CNTNAP5: variants seen among roughly 807,000 people sequenced by gnomAD.
The protein encoded by CNTNAP5 is contactin associated protein family member 5.
A neutral mutation model predicts 150.2 loss-of-function variants in CNTNAP5; 72 were observed. The observed-to-expected ratio is 0.48, with a 90% CI of 0.40 to 0.58. The LOEUF (loss-of-function observed/expected upper bound fraction) is 0.58. Among genes scored for constraint, CNTNAP5 ranks in the 20% least tolerant of loss-of-function variants. The probability of loss-of-function intolerance (pLI) is 0.00; values close to 1 mark genes in which losing one functional copy is unlikely to be tolerated. For missense variants in CNTNAP5, 1,636 were observed against 1,626.2 expected, an observed-to-expected ratio of 1.01 and a Z score of -0.10; for synonymous variants, 672 against 619.8, an observed-to-expected ratio of 1.08 and a Z score of -1.25.
At chr2:124,710,292 G>A (rs1450100082) in intron 13 of CNTNAP5, among the ~76,000 whole-genome samples, 1 of 152,114 alleles carries the variant, frequency 6.6e-6, no homozygotes, top group South Asian at 2.1e-4. Context: ...AAGATTAAAA[G>A]CACTGTATGG....
chr2:124,869,621 G>A lies in CNTNAP5; in HGVS notation c.3349-54G>A, dbSNP rs148793398. Reference sequence around the variant, plus strand: ...CTATTTCCAGATGGGATCGTTTTATGCTTCTTACCTGCAGACCTCTGCTGA... The same window carrying A: ...CTATTTCCAGATGGGATCGTTTTATACTTCTTACCTGCAGACCTCTGCTGA... On this transcript the variant is annotated intron_variant, in intron 20 of 23. Coordinates refer to ENST00000682447, the MANE Select transcript of CNTNAP5 (RefSeq NM_001367498.1). 1.3e-5 allele frequency: 15 copies of A among 1,175,632 alleles called. No individual in the cohort carries two copies. In the Middle Eastern group the frequency reaches 7.6e-4, roughly 60 times the overall value. 72.8% of individuals were successfully genotyped at this position (1,175,632 alleles called of 1,614,324 possible). A position where few individuals can be genotyped will look rare whatever the true frequency, so the allele number is the denominator to read the frequency against.
At chr2:124,804,650 C>T (rs898656328) in intron 19 of CNTNAP5, among the ~76,000 whole-genome samples, 7 of 152,114 alleles carry the variant, frequency 4.6e-5, no homozygotes, top group African/African-American at 1.2e-4. Flanking sequence ...ACTGAGAAGG[C>T]GGCCATCCAC....
intron 13 of CNTNAP5, among the ~76,000 whole-genome samples, chr2:124,728,169 A>G (rs941564851): frequency 6.6e-6 from 1 of 151,838 alleles, no homozygotes; most frequent in Non-Finnish European, 1.5e-5. Context: ...AATTCTCTTG[A>G]TGTGCTTTTG....
At chr2:124,418,667 G>T (rs1368279894) in intron 4 of CNTNAP5, among the ~76,000 whole-genome samples, 5 of 152,162 alleles carry the variant, frequency 3.3e-5, no homozygotes, top group Non-Finnish European at 7.3e-5. Context: ...GTTTAGAACA[G>T]ATGCATCAAC....
At chr2:124,637,941 C>A (rs1678005780) in intron 12 of CNTNAP5, among the ~76,000 whole-genome samples, 3 of 152,054 alleles carry the variant, frequency 2.0e-5, no homozygotes, top group African/African-American at 7.2e-5. Flanking sequence ...AGACTCAGCT[C>A]TTTTCCTAAA....
At chr2:124,510,325 C>CTATATATCTA (rs1694543542) in intron 8 of CNTNAP5, among the ~76,000 whole-genome samples, 6 of 8,300 alleles carry the variant, frequency 7.2e-4, no homozygotes, top group South Asian at 4.9e-3. Context: ...ATATATCTAT[C>CTATATATCTA]TATATATATA....
intron 11 of CNTNAP5, among the ~76,000 whole-genome samples, chr2:124,585,186 C>T (rs554183915): frequency 1.7e-4 from 26 of 152,190 alleles, no homozygotes; most frequent in Non-Finnish European, 1.8e-4. Flanking sequence ...GGGGCTCAAT[C>T]AGCTTCTATG....
At chr2:124,615,651 C>T (rs532624437) in intron 12 of CNTNAP5, among the ~76,000 whole-genome samples, 1 of 152,264 alleles carries the variant, frequency 6.6e-6, no homozygotes, top group Non-Finnish European at 1.5e-5. Context: ...TTTGGCCTCT[C>T]CCATAAATCA....
chr2:124,495,137 A>G (rs1694115489), intron 7 of CNTNAP5, among the ~76,000 whole-genome samples: 1 of 152,166 alleles, frequency 6.6e-6, no homozygotes, highest in Non-Finnish European at 1.5e-5. Flanking sequence ...CTTGCTTGCC[A>G]TAAACATCGC....
chr2:124,559,290 T>C (rs1338421593), intron 10 of CNTNAP5, among the ~76,000 whole-genome samples: 1 of 152,190 alleles, frequency 6.6e-6, no homozygotes, highest in Non-Finnish European at 1.5e-5. Flanking sequence ...CATTCCTATC[T>C]CTTTTCTTTC....
intron 10 of CNTNAP5, among the ~76,000 whole-genome samples, chr2:124,542,519 T>G (rs2104907728): frequency 6.6e-6 from 1 of 152,078 alleles, no homozygotes; most frequent in South Asian, 2.1e-4. Flanking sequence ...GCCAGCTGCC[T>G]TCCAGCCTCC....
At chr2:124,403,666 T>C (rs1394692773) in intron 3 of CNTNAP5, among the ~76,000 whole-genome samples, 1 of 152,152 alleles carries the variant, frequency 6.6e-6, no homozygotes, top group Admixed American at 6.5e-5. Context: ...ACAATCCAGA[T>C]TCAAAGAGGA....
intron 3 of CNTNAP5, among the ~76,000 whole-genome samples, chr2:124,388,073 C>G (rs897270835): frequency 6.6e-6 from 1 of 152,182 alleles, no homozygotes; most frequent in African/African-American, 2.4e-5. Context: ...CACTTTATAA[C>G]AGTGTGTCTA....
rs1002835848 is a variant in CNTNAP5 at position 124,918,904 on chromosome 2, C to G, written c.*4616C>G. ...TAGGAGGATAACTGAGTGCTATTTT[C>G]TGTCTCATGCAGTTTGAACATGTTT... On this transcript the variant is annotated 3_prime_UTR_variant, in exon 24 of 24. Coordinates refer to ENST00000682447, the MANE Select transcript of CNTNAP5 (RefSeq NM_001367498.1). 1.3e-5 allele frequency among the ~76,000 whole-genome samples: 2 copies of G among 152,130 alleles called. No homozygotes were observed. Among genetic ancestry groups the G allele is most frequent in the Non-Finnish European group, 2.9e-5 (2 of 67,996 alleles).
intron 19 of CNTNAP5, among the ~76,000 whole-genome samples, chr2:124,814,753 A>T (rs1057322113): frequency 9.9e-5 from 15 of 152,216 alleles, no homozygotes; most frequent in African/African-American, 1.7e-4. Flanking sequence ...AGTAAAACTT[A>T]AAAAAGTTGC....
In CNTNAP5 at chr2:124,674,562, C is replaced by CCTTT. The variant is rs879598093; in HGVS notation, c.2077+26617_2077+26620dup. Among the ~76,000 whole-genome samples the CCTTT allele has an allele frequency of 2.7e-5, 3 of 110,306 alleles. No homozygotes were observed. In the Admixed American group the frequency reaches 3.2e-4, roughly 12 times the overall value. 72.4% of individuals were successfully genotyped at this position (110,306 alleles called of 152,430 possible). ...TTCTTTCTTTCTTTCTTCCTTTCTT[C>CCTTT]CTTTCTTTCTTTCTTTTCATCTCCT... On this transcript the variant is annotated intron_variant, in intron 13 of 23. Coordinates refer to ENST00000682447, the MANE Select transcript of CNTNAP5 (RefSeq NM_001367498.1).
At chr2:124,535,680 G>A (rs1695214516) in intron 10 of CNTNAP5, among the ~76,000 whole-genome samples, 1 of 151,960 alleles carries the variant, frequency 6.6e-6, no homozygotes, top group Admixed American at 6.6e-5. Flanking sequence ...TGGAGGCTGA[G>A]GCATGAGAAT....
intron 3 of CNTNAP5, among the ~76,000 whole-genome samples, chr2:124,378,573 G>A (rs1245101002): frequency 2.0e-5 from 3 of 151,110 alleles, no homozygotes; most frequent in South Asian, 2.1e-4. Context: ...GGTCTTACCC[G>A]TACTTCTTCA....
chr2:124,384,966 C>T (rs909031727), intron 3 of CNTNAP5, among the ~76,000 whole-genome samples: 4 of 152,180 alleles, frequency 2.6e-5, no homozygotes, highest in African/African-American at 9.7e-5. Flanking sequence ...GCCATATGGA[C>T]TCAAAGGTGA....
Sources: gnomAD v4.1 joint callset for allele counts (sites outside exome capture counted in the v4.1 genomes callset) on GRCh38, gnomAD v4.1.1 for gene constraint, MANE v1.5 for transcripts, NCBI Gene and HGNC (gene_info 2026-07-23, HGNC 2026-07-21) for gene names.